Variants in RPS6KC1 observed in about 807,000 individuals in gnomAD.
RPS6KC1 encodes inactive ribosomal protein S6 kinase delta-1.
Under a neutral mutation model 103.8 loss-of-function variants are expected in RPS6KC1, and 54 were observed. The ratio of observed to expected loss-of-function variants is 0.52; its 90% CI spans 0.42 to 0.65. The LOEUF is 0.65. RPS6KC1 is among the 30% of genes least tolerant of loss of function. The pLI is 0.00. For missense variants in RPS6KC1, 1,151 were observed against 1,253.8 expected, an observed-to-expected ratio of 0.92 and a Z score of 1.24; for synonymous variants, 439 against 438.7, an observed-to-expected ratio of 1.00 and a Z score of -0.01.
At chr1:213,510,713 C>T in the RPS6KC1 span, among the ~76,000 whole-genome samples, 22 of 152,252 alleles carry the variant, frequency 1.4e-4, no homozygotes, top group Admixed American at 2.6e-4. Flanking sequence ...CTACCCAGAT[C>T]CTCCCTGAAT....
chr1:213,419,664 G>T, the RPS6KC1 span, among the ~76,000 whole-genome samples: 1 of 152,118 alleles, frequency 6.6e-6, no homozygotes, highest in South Asian at 2.1e-4. Context: ...AGGGGTCAGG[G>T]GCAAAAACTA....
chr1:213,500,753 G>A, the RPS6KC1 span, among the ~76,000 whole-genome samples: 3 of 152,246 alleles, frequency 2.0e-5, no homozygotes, highest in South Asian at 4.2e-4. Context: ...TTTATGTGGT[G>A]CGTGACTGCA....
chr1:213,555,852 T>A, the RPS6KC1 span, among the ~76,000 whole-genome samples: 1 of 152,252 alleles, frequency 6.6e-6, no homozygotes, highest in African/African-American at 2.4e-5. Context: ...CTAACCCTTT[T>A]CCTGGCTCCT....
the RPS6KC1 span, among the ~76,000 whole-genome samples, chr1:213,415,281 A>G: frequency 0.15 from 22,727 of 152,250 alleles, 1,971 homozygotes; most frequent in African/African-American, 0.23. Context: ...ACCAATGATC[A>G]CATGGATTTC....
the RPS6KC1 span, among the ~76,000 whole-genome samples, chr1:213,596,451 A>G: frequency 6.6e-6 from 1 of 152,254 alleles, no homozygotes; most frequent in Non-Finnish European, 1.5e-5. Context: ...AGCACAATAG[A>G]AGACAGTAAG....
the RPS6KC1 span, among the ~76,000 whole-genome samples, chr1:213,487,937 A>G: frequency 6.6e-6 from 1 of 152,000 alleles, no homozygotes; most frequent in Non-Finnish European, 1.5e-5. Context: ...TTGGTCTTTG[A>G]TGATGCTGTC....
chr1:213,070,891 TA>T (rs937475613), intron 1 of RPS6KC1, 114 bp from the exon 2 acceptor site: 19 of 653,790 alleles, frequency 2.9e-5, no homozygotes, highest in South Asian at 3.9e-5. Context: ...ATATAGTGTT[TA>T]TTTTTTTAAG....
the RPS6KC1 span, among the ~76,000 whole-genome samples, chr1:213,771,754 G>A: frequency 9.5e-4 from 144 of 152,314 alleles, 1 homozygote; most frequent in Admixed American, 2.5e-3. Flanking sequence ...ACAATAAAGA[G>A]TTTAGCTGAA....
At chr1:213,237,509 A>T (rs773741411) in intron 10 of RPS6KC1, among the ~76,000 whole-genome samples, 2 of 152,028 alleles carry the variant, frequency 1.3e-5, no homozygotes, top group Non-Finnish European at 2.9e-5. Flanking sequence ...ATAAACATGT[A>T]TTTATACATA....
the RPS6KC1 span, among the ~76,000 whole-genome samples, chr1:213,475,380 CT>C: frequency 5.2e-3 from 798 of 152,288 alleles, 6 homozygotes; most frequent in African/African-American, 0.018. Context: ...CTTGCATAAT[CT>C]TTTTTTCTTT....
chr1:213,173,825 A>G (rs1362162898), intron 7 of RPS6KC1, among the ~76,000 whole-genome samples: 1 of 152,262 alleles, frequency 6.6e-6, no homozygotes, highest in East Asian at 1.9e-4. Context: ...TCATGCACAT[A>G]GTGGGTGCAC....
At chr1:213,639,969 G>A in the RPS6KC1 span, among the ~76,000 whole-genome samples, 1 of 151,616 alleles carries the variant, frequency 6.6e-6, no homozygotes, top group Non-Finnish European at 1.5e-5. Context: ...TAGAATTGGT[G>A]TTATTTTTTC....
chr1:213,255,604 T>C (rs2094624901), intron 12 of RPS6KC1, among the ~76,000 whole-genome samples: 1 of 152,220 alleles, frequency 6.6e-6, no homozygotes, highest in Admixed American at 6.5e-5. Flanking sequence ...GTAGTTTTGA[T>C]AGCCACACAA....
chr1:213,121,070 G>A lies in RPS6KC1; in HGVS notation c.472+3660G>A, dbSNP rs192789302. Among the ~76,000 whole-genome samples, 1,009 of 152,226 alleles carry A rather than the reference G, an allele frequency of 6.6e-3. 11 individuals carry two copies. Among genetic ancestry groups the A allele is most frequent in the African/African-American group, 0.023 (950 of 41,532 alleles). On this transcript the variant is annotated intron_variant, in intron 5 of 14. Coordinates refer to ENST00000366960, the MANE Select transcript of RPS6KC1 (RefSeq NM_012424.6). Reference sequence around the variant, plus strand: ...AGCCTCCTGAGTAGCTGGGACTACAGGCAGGCACAACCATGCCTGGCTAAT... The same window carrying A: ...AGCCTCCTGAGTAGCTGGGACTACAAGCAGGCACAACCATGCCTGGCTAAT...
At chr1:213,201,118 T>TA (rs1393268890) in intron 8 of RPS6KC1, among the ~76,000 whole-genome samples, 1 of 152,140 alleles carries the variant, frequency 6.6e-6, no homozygotes, top group Admixed American at 6.5e-5. Flanking sequence ...CCCTGAACTT[T>TA]AAAAAAACAA....
At chr1:213,760,529 T>G in the RPS6KC1 span, among the ~76,000 whole-genome samples, 1 of 152,224 alleles carries the variant, frequency 6.6e-6, no homozygotes, top group Admixed American at 6.5e-5. Flanking sequence ...GCTTTGCTTC[T>G]GCTTTCAATG....
the RPS6KC1 span, among the ~76,000 whole-genome samples, chr1:213,747,341 T>A: frequency 6.6e-6 from 1 of 152,164 alleles, no homozygotes. Context: ...GCCCTGGACA[T>A]GAGCAGTTTT....
At chr1:213,271,425 T>A (rs2149183634) in intron 14 of RPS6KC1, among the ~76,000 whole-genome samples, 1 of 151,890 alleles carries the variant, frequency 6.6e-6, no homozygotes, top group South Asian at 2.1e-4. Context: ...GGGATGGGGG[T>A]GGGGATTAAC....
At chr1:213,853,329 T>C in the RPS6KC1 span, among the ~76,000 whole-genome samples, 1 of 152,234 alleles carries the variant, frequency 6.6e-6, no homozygotes, top group African/African-American at 2.4e-5. Flanking sequence ...TGATTCATGA[T>C]GTTCTCTGGA....
Sources: gnomAD v4.1 joint callset for allele counts (sites outside exome capture counted in the v4.1 genomes callset) on GRCh38, gnomAD v4.1.1 for gene constraint, MANE v1.5 for transcripts, NCBI Gene and HGNC (gene_info 2026-07-23, HGNC 2026-07-21) for gene names.